FRMD4B: variants seen among roughly 807,000 people sequenced by gnomAD.
The protein encoded by FRMD4B is FERM domain containing 4B.
In FRMD4B, 74 loss-of-function variants were observed where a neutral mutation model predicts 141.5. The ratio of observed to expected loss-of-function variants is 0.52; its 90% CI spans 0.43 to 0.63. FRMD4B has a LOEUF of 0.63. Ranked by LOEUF, FRMD4B falls within the 30% of genes least tolerant of loss-of-function variation. The pLI, the probability that FRMD4B is intolerant of heterozygous loss-of-function variation, is 0.00. For missense variants in FRMD4B, 1,366 were observed against 1,253.4 expected, an observed-to-expected ratio of 1.09 and a Z score of -1.36; for synonymous variants, 506 against 467.9, an observed-to-expected ratio of 1.08 and a Z score of -1.05.
intron 2 of FRMD4B, among the ~76,000 whole-genome samples, chr3:69,402,693 C>T (rs1436233887): frequency 6.6e-6 from 1 of 152,092 alleles, no homozygotes; most frequent in Non-Finnish European, 1.5e-5. Context: ...GCCTCTAGAT[C>T]TCGTGGATAC....
intron 11 of FRMD4B, among the ~76,000 whole-genome samples, chr3:69,205,229 T>C (rs1172674497): frequency 6.6e-6 from 1 of 151,516 alleles, no homozygotes; most frequent in African/African-American, 2.4e-5. Context: ...TACAGTGGCA[T>C]GATCACGGCT....
At chr3:69,388,651 T>A (rs563388221), upstream of FRMD4B, among the ~76,000 whole-genome samples, 119 of 152,308 alleles carry the variant, frequency 7.8e-4, no homozygotes, top group Non-Finnish European at 1.3e-3. Flanking sequence ...AATGTCCTCA[T>A]GTGTACAATG....
intron 5 of FRMD4B, among the ~76,000 whole-genome samples, chr3:69,270,762 C>G (rs1488243761): frequency 1.3e-5 from 2 of 152,020 alleles, no homozygotes; most frequent in African/African-American, 2.4e-5. Flanking sequence ...GACAGGCTTT[C>G]ACCATGTTGG....
chr3:69,455,596 A>T (rs1368269965), intron 1 of FRMD4B, among the ~76,000 whole-genome samples: 2 of 152,178 alleles, frequency 1.3e-5, no homozygotes, highest in Non-Finnish European at 2.9e-5. Flanking sequence ...CAAACCCTGG[A>T]TGCACCATCT....
At chr3:69,469,428 T>C (rs1485378828) in intron 1 of FRMD4B, among the ~76,000 whole-genome samples, 1 of 152,216 alleles carries the variant, frequency 6.6e-6, no homozygotes, top group Non-Finnish European at 1.5e-5. Flanking sequence ...TACTTAGATA[T>C]AGGTAAAACT....
At chr3:69,196,437 T>C in intron 13 of FRMD4B, 41 bp from the exon 14 acceptor site, 1 of 1,468,202 alleles carries the variant, frequency 6.8e-7, no homozygotes. Context: ...AACTCAAACA[T>C]ACTTCAAATT....
chr3:69,529,997 A>T (rs535635318), intron 1 of FRMD4B, among the ~76,000 whole-genome samples: 1 of 152,296 alleles, frequency 6.6e-6, no homozygotes, highest in South Asian at 2.1e-4. Context: ...CCTTTTTCCC[A>T]TGATAACAGG....
chr3:69,307,047 C>T (rs907213165), intron 3 of FRMD4B, among the ~76,000 whole-genome samples: 10 of 152,096 alleles, frequency 6.6e-5, no homozygotes, highest in African/African-American at 2.4e-4. Context: ...CCTCAACAGC[C>T]CCGCTCATAC....
At chr3:69,390,934 G>A (rs1704369503), upstream of FRMD4B, among the ~76,000 whole-genome samples, 1 of 152,104 alleles carries the variant, frequency 6.6e-6, no homozygotes, top group Non-Finnish European at 1.5e-5. Flanking sequence ...GCTACACCCT[G>A]TTCTTCCTCT....
intron 1 of FRMD4B, among the ~76,000 whole-genome samples, chr3:69,316,400 A>T (rs1262101989): frequency 6.6e-6 from 1 of 152,058 alleles, no homozygotes; most frequent in Non-Finnish European, 1.5e-5. Context: ...CAACATCCCC[A>T]TTTTACAGAC....
chr3:69,327,660 A>G (rs1460356989), intron 1 of FRMD4B, among the ~76,000 whole-genome samples: 1 of 152,226 alleles, frequency 6.6e-6, no homozygotes. Flanking sequence ...GTTTATAATT[A>G]AAACAAACGG....
chr3:69,267,630 TATATATAGAGAGAGAGAGAGAG>T (rs1559765461), intron 5 of FRMD4B, among the ~76,000 whole-genome samples: 35 of 10,880 alleles, frequency 3.2e-3, no homozygotes, highest in Middle Eastern at 0.036. Flanking sequence ...TATATATATA[TATATATAGAGAGAGAGAGAGAG>T]AGAGAGAGAG....
chr3:69,196,957 G>A lies in FRMD4B; in HGVS notation c.1035C>T (p.Ser345=), dbSNP rs567290025. 5.0e-6 allele frequency: 8 copies of A among 1,609,568 alleles called. 1 individual carries two copies. The African/African-American group carries it at 9.3e-5, about 19-fold the overall frequency. The change falls in exon 13 of 23, where the codon TCC becomes TCT. Residue 345 remains serine (S), a synonymous_variant. Transcript: ENST00000398540. The stretch of plus-strand genomic sequence containing the variant: ...GCTGACTAATTGCCATTACCCAAAT[G>A]GACTTGATGAGAGAAGAGTTAGCAT... ...TWYANSSLIK[S]IWVMAISQHQ...
intron 5 of FRMD4B, among the ~76,000 whole-genome samples, chr3:69,263,300 C>G (rs988449954): frequency 2.7e-5 from 4 of 150,394 alleles, no homozygotes; most frequent in African/African-American, 7.4e-5. Flanking sequence ...TGGTAGCAGA[C>G]AGAATAAGGA....
chr3:69,392,832 G>A (rs1248964366), intron 2 of FRMD4B, among the ~76,000 whole-genome samples: 4 of 152,136 alleles, frequency 2.6e-5, no homozygotes, highest in African/African-American at 4.8e-5. Flanking sequence ...GGAGGCAGGA[G>A]GCCCGAGCGA....
chr3:69,506,616 G>C (rs1004648265), intron 1 of FRMD4B, among the ~76,000 whole-genome samples: 3 of 151,740 alleles, frequency 2.0e-5, no homozygotes, highest in African/African-American at 7.3e-5. Context: ...GCTCACTGCA[G>C]CCTCGACCTC....
At chr3:69,182,769 T>C in intron 19 of FRMD4B, 52 bp from the exon 20 acceptor site, 1 of 1,577,048 alleles carries the variant, frequency 6.3e-7, no homozygotes, top group Admixed American at 1.8e-5. Context: ...TCAACATCTC[T>C]GGCAAACTTG....
intron 1 of FRMD4B, among the ~76,000 whole-genome samples, chr3:69,493,892 T>G (rs929437527): frequency 1.3e-5 from 2 of 152,152 alleles, no homozygotes; most frequent in African/African-American, 2.4e-5. Flanking sequence ...CCCAAGCATA[T>G]AGTAGTACAA....
chr3:69,494,768 T>C (rs770332544), intron 1 of FRMD4B, among the ~76,000 whole-genome samples: 4 of 152,098 alleles, frequency 2.6e-5, no homozygotes, highest in African/African-American at 4.8e-5. Context: ...GGCGGGCACC[T>C]GTGATCCCAG....
Sources: gnomAD v4.1 joint callset for allele counts (sites outside exome capture counted in the v4.1 genomes callset) on GRCh38, gnomAD v4.1.1 for gene constraint, MANE v1.5 for transcripts, NCBI Gene and HGNC (gene_info 2026-07-23, HGNC 2026-07-21) for gene names.